Variants in DNAJC1 observed in about 807,000 individuals in gnomAD.
DNAJC1 encodes dnaJ homolog subfamily C member 1.
Under a neutral mutation model 76.6 loss-of-function variants are expected in DNAJC1, and 58 were observed. The ratio of observed to expected loss-of-function variants is 0.76; its 90% CI spans 0.61 to 0.94. The LOEUF is 0.94. DNAJC1 is among the 40% of genes least tolerant of loss of function. DNAJC1 has a pLI of 0.00. For missense variants in DNAJC1, 689 were observed against 677.3 expected (o/e 1.02, Z -0.19); for synonymous variants, 258 against 267.9 (o/e 0.96, Z 0.36).
intron 10 of DNAJC1, among the ~76,000 whole-genome samples, chr10:21,764,550 C>A (rs1013116712): frequency 6.6e-6 from 1 of 152,166 alleles, no homozygotes; most frequent in Non-Finnish European, 1.5e-5. Context: ...GTTTTCTAAA[C>A]CATCCATTTC....
intron 8 of DNAJC1, among the ~76,000 whole-genome samples, chr10:21,834,587 C>T (rs1835418565): frequency 6.6e-6 from 1 of 152,190 alleles, no homozygotes; most frequent in Non-Finnish European, 1.5e-5. Context: ...AAAGCAGTGA[C>T]AGACGGCACC....
At chr10:21,862,423 C>T (rs1007576703) in intron 8 of DNAJC1, among the ~76,000 whole-genome samples, 1 of 148,480 alleles carries the variant, frequency 6.7e-6, no homozygotes, top group Admixed American at 6.7e-5. Context: ...CCATCTGTTA[C>T]TACATTTTTT....
chr10:21,835,291 A>C lies in DNAJC1; in HGVS notation c.979-29192T>G, dbSNP rs530297792. On this transcript the variant is annotated intron_variant, in intron 8 of 11. Transcript: ENST00000376980. The stretch of plus-strand genomic sequence containing the variant: ...CCTGTCTGTTAGAAGGAAAACTAAC[A>C]AACAGAAAGGACATCCACACCAAAA... Among the ~76,000 whole-genome samples, 11 of 152,336 alleles carry C rather than the reference A, an allele frequency of 7.2e-5. No homozygotes were observed. In the East Asian group the frequency reaches 2.1e-3, roughly 29 times the overall value.
At chr10:21,968,872 C>A (rs992471776) in intron 1 of DNAJC1, among the ~76,000 whole-genome samples, 1 of 152,012 alleles carries the variant, frequency 6.6e-6, no homozygotes, top group Non-Finnish European at 1.5e-5. Flanking sequence ...GTGGCAATAA[C>A]AAGGCAGCTG....
At chr10:21,913,669 C>A (rs773832132) in intron 6 of DNAJC1, among the ~76,000 whole-genome samples, 1 of 152,114 alleles carries the variant, frequency 6.6e-6, no homozygotes, top group African/African-American at 2.4e-5. Context: ...CCTGGGGTTA[C>A]AAGCCGAACA....
chr10:21,836,849 A>G (rs1835468145), intron 8 of DNAJC1, among the ~76,000 whole-genome samples: 1 of 152,180 alleles, frequency 6.6e-6, no homozygotes, highest in Non-Finnish European at 1.5e-5. Flanking sequence ...TGACCTACAA[A>G]GAGACTTAGA....
chr10:21,803,736 G>T lies in DNAJC1; in HGVS notation c.1098+2244C>A, dbSNP rs886709629. 36 of 677,212 alleles carry T rather than the reference G, an allele frequency of 5.3e-5. No homozygotes were observed. The Middle Eastern group carries it at 2.3e-3, about 43-fold the overall frequency. The allele number at this position is 677,212 out of a possible 1,614,324, so 42.0% of individuals were successfully genotyped here. A position where few individuals can be genotyped will look rare whatever the true frequency, so the allele number is the denominator to read the frequency against. On this transcript the variant is annotated intron_variant, in intron 9 of 11. Transcript: ENST00000376980. ...CTTACAGAATGAAAATGCAGTGTGG[G>T]TCTATATATATATTGACATAGAAGA...
intron 1 of DNAJC1, among the ~76,000 whole-genome samples, chr10:21,944,256 T>A (rs567836010): frequency 6.6e-6 from 1 of 151,992 alleles, no homozygotes; most frequent in Non-Finnish European, 1.5e-5. Context: ...AAAATAAAAG[T>A]GCAAACCAGT....
intron 7 of DNAJC1, among the ~76,000 whole-genome samples, chr10:21,894,192 A>C (rs1836502948): frequency 6.6e-6 from 1 of 152,204 alleles, no homozygotes; most frequent in African/African-American, 2.4e-5. Context: ...AAAGAAAGAA[A>C]TATTCAGGCT....
chr10:21,949,484 T>G (rs1837557306), intron 1 of DNAJC1, among the ~76,000 whole-genome samples: 1 of 144,206 alleles, frequency 6.9e-6, no homozygotes, highest in African/African-American at 2.6e-5. Flanking sequence ...TGGTGTGATC[T>G]CGGCTCACTG....
intron 8 of DNAJC1, among the ~76,000 whole-genome samples, chr10:21,825,722 G>C (rs1835237589): frequency 6.6e-6 from 1 of 152,142 alleles, no homozygotes; most frequent in Non-Finnish European, 1.5e-5. Flanking sequence ...AGCAATTCTA[G>C]TGGGTTTGCA....
intron 1 of DNAJC1, among the ~76,000 whole-genome samples, chr10:21,979,103 A>G (rs1590077000): frequency 6.6e-6 from 1 of 151,858 alleles, no homozygotes; most frequent in East Asian, 1.9e-4. Flanking sequence ...ATGATCCAAG[A>G]TAAGTTTTCT....
chr10:21,756,701 G>C lies in DNAJC1; in HGVS notation c.1651C>G (p.Gln551Glu). 6.2e-7 allele frequency: 1 copy of C among 1,613,030 alleles called. No individual in the cohort carries two copies. The highest frequency in any genetic ancestry group is 2.2e-5 in the East Asian group (1 of 44,880). The change falls in exon 12 of 12, where the codon CAA (glutamine) becomes GAA (glutamate). Residue 551 changes from glutamine (Q) to glutamate (E), a missense_variant. Physicochemically the swap from Gln to Glu is conservative, Grantham distance 29. Transcript: ENST00000376980. The stretch of plus-strand genomic sequence containing the variant: ...TCCCAGAATATTCAGCTTTTAGCTT[G>C]TTTTTTCTTTTGGACCAGTTCAACC... ...LLVELVQKKK[Q>E]AKS
chr10:21,845,313 A>G (rs1223633418), intron 8 of DNAJC1, among the ~76,000 whole-genome samples: 1 of 152,050 alleles, frequency 6.6e-6, no homozygotes, highest in African/African-American at 2.4e-5. Flanking sequence ...ATGGTACACT[A>G]AAATTCCTAA....
intron 6 of DNAJC1, among the ~76,000 whole-genome samples, chr10:21,913,539 T>C (rs1300510653): frequency 2.6e-5 from 4 of 152,208 alleles, no homozygotes; most frequent in African/African-American, 4.8e-5. Flanking sequence ...AACAGCTAAA[T>C]TGAAAATATG....
At chr10:21,891,197 T>A (rs1027477723) in intron 7 of DNAJC1, among the ~76,000 whole-genome samples, 2 of 151,668 alleles carry the variant, frequency 1.3e-5, no homozygotes, top group Non-Finnish European at 2.9e-5. Flanking sequence ...CTCAAAAAAA[T>A]AAATAAATAA....
chr10:21,932,847 T>G (rs1837250288), intron 1 of DNAJC1, among the ~76,000 whole-genome samples: 1 of 152,146 alleles, frequency 6.6e-6, no homozygotes, highest in Admixed American at 6.5e-5. Flanking sequence ...GGTCTCAAAC[T>G]CCTTGGCCTC....
intron 1 of DNAJC1, among the ~76,000 whole-genome samples, chr10:21,960,059 A>G (rs1471236360): frequency 6.6e-6 from 1 of 152,184 alleles, no homozygotes; most frequent in Admixed American, 6.5e-5. Flanking sequence ...TTATTACAAA[A>G]TCTAACGTAT....
intron 7 of DNAJC1, among the ~76,000 whole-genome samples, chr10:21,901,296 T>C (rs1656134928): frequency 6.6e-6 from 1 of 152,214 alleles, no homozygotes; most frequent in Non-Finnish European, 1.5e-5. Flanking sequence ...TCCTTGTCTA[T>C]TCAAATTGTG....
Sources: allele counts gnomAD v4.1 joint callset (sites outside exome capture counted in the v4.1 genomes callset), GRCh38; gene constraint gnomAD v4.1.1; transcripts MANE v1.5; gene names NCBI Gene and HGNC (gene_info 2026-07-23, HGNC 2026-07-21).